The following MYT1L variants were observed in gnomAD, a reference collection of about 807,000 sequenced individuals.
MYT1L encodes the protein myelin transcription factor 1 like.
In MYT1L, 12 loss-of-function variants were observed where a neutral mutation model predicts 126.7. The ratio of observed to expected loss-of-function variants is 0.09; its 90% CI spans 0.06 to 0.15. MYT1L has a LOEUF of 0.15. MYT1L is among the 10% of genes least tolerant of loss of function. The pLI, the probability that MYT1L is intolerant of heterozygous loss-of-function variation, is 1.00. For missense variants in MYT1L, 979 were observed against 1,585.2 expected, an observed-to-expected ratio of 0.62 and a Z score of 6.49; for synonymous variants, 541 against 604.2, an observed-to-expected ratio of 0.90 and a Z score of 1.53.
At chr2:2,248,592 A>G (rs1403079203) in intron 2 of MYT1L, among the ~76,000 whole-genome samples, 1 of 152,148 alleles carries the variant, frequency 6.6e-6, no homozygotes, top group Non-Finnish European at 1.5e-5. Context: ...ACAGGCCAAT[A>G]TGTCTGATAA....
intron 2 of MYT1L, among the ~76,000 whole-genome samples, chr2:2,283,206 G>C (rs1038855457): frequency 2.0e-5 from 3 of 152,220 alleles, no homozygotes; most frequent in Non-Finnish European, 4.4e-5. Flanking sequence ...AAAGAAATCA[G>C]TCTTGAAGAA....
intron 2 of MYT1L, among the ~76,000 whole-genome samples, chr2:2,206,452 C>T (rs2093326467): frequency 6.6e-6 from 1 of 152,146 alleles, no homozygotes; most frequent in Admixed American, 6.5e-5. Context: ...ACTTTGTCCA[C>T]ACTTCTATAT....
chr2:1,965,777 C>A (rs891770050), intron 8 of MYT1L, among the ~76,000 whole-genome samples: 1 of 152,196 alleles, frequency 6.6e-6, no homozygotes, highest in Non-Finnish European at 1.5e-5. Flanking sequence ...TCAGGAGAGC[C>A]GGACAGGGGG....
rs373350880 is a variant in MYT1L, at chr2:2,317,594, TTAAA to T, written c.-521+13369_-521+13372del. 8.7e-4 allele frequency among the ~76,000 whole-genome samples: 132 copies of T among 151,872 alleles called. 1 individual carries two copies. The South Asian group carries it at 0.027, about 31-fold the overall frequency. The stretch of plus-strand genomic sequence containing the variant: ...TGTGTGGAAAATCTCACTTAGAAAA[TTAAA>T]AAAGACAAAAAATAAAAATAAAAAA... On this transcript the variant is annotated intron_variant, in intron 1 of 24. Transcript: ENST00000647738.
chr2:2,302,509 A>G (rs561470807), intron 1 of MYT1L, among the ~76,000 whole-genome samples: 1 of 152,316 alleles, frequency 6.6e-6, no homozygotes, highest in East Asian at 1.9e-4. Flanking sequence ...ATCTCAAGAA[A>G]AACTTGACTG....
chr2:2,071,483 C>A (rs923536865), intron 3 of MYT1L, among the ~76,000 whole-genome samples: 1 of 152,104 alleles, frequency 6.6e-6, no homozygotes, highest in Non-Finnish European at 1.5e-5. Context: ...CCATACAATA[C>A]GATAAATGTC....
intron 4 of MYT1L, among the ~76,000 whole-genome samples, chr2:2,010,361 A>G (rs1897477): frequency 0.097 from 14,682 of 152,128 alleles, 820 homozygotes; most frequent in Non-Finnish European, 0.12. Flanking sequence ...TGCAAGTCTG[A>G]AGGCTGACTG....
At chr2:1,829,136 C>T (rs1441175871) in intron 21 of MYT1L, among the ~76,000 whole-genome samples, 1 of 152,104 alleles carries the variant, frequency 6.6e-6, no homozygotes, top group African/African-American at 2.4e-5. Flanking sequence ...ATGAAGATGG[C>T]GTTGGGCCTC....
chr2:2,056,631 A>T (rs559718302), intron 3 of MYT1L, among the ~76,000 whole-genome samples: 17 of 152,346 alleles, frequency 1.1e-4, no homozygotes, highest in African/African-American at 4.1e-4. Context: ...CAGGTGCGGT[A>T]GGAAGGAATA....
intron 18 of MYT1L, among the ~76,000 whole-genome samples, chr2:1,863,744 G>GC (rs946324391): frequency 1.1e-4 from 16 of 150,650 alleles, no homozygotes; most frequent in African/African-American, 3.9e-4. Flanking sequence ...ACAAAAAAGG[G>GC]GGGGGCATTT....
At chr2:1,937,999 T>C (rs1446293279) in intron 9 of MYT1L, among the ~76,000 whole-genome samples, 1 of 152,174 alleles carries the variant, frequency 6.6e-6, no homozygotes, top group East Asian at 1.9e-4. Context: ...TGAGATTCAG[T>C]AAAGAGTAAT....
intron 8 of MYT1L, among the ~76,000 whole-genome samples, chr2:1,977,535 T>A (rs1487407691): frequency 2.6e-5 from 4 of 152,214 alleles, no homozygotes; most frequent in African/African-American, 9.6e-5. Flanking sequence ...AAGAGGATAT[T>A]TAGATTGTTT....
At chr2:1,868,190 T>G (rs2045842182) in intron 18 of MYT1L, among the ~76,000 whole-genome samples, 1 of 152,208 alleles carries the variant, frequency 6.6e-6, no homozygotes, top group Admixed American at 6.5e-5. Flanking sequence ...TTTGAACTCC[T>G]GACCTCAGGT....
intron 1 of MYT1L, among the ~76,000 whole-genome samples, chr2:2,316,370 G>A (rs932257222): frequency 2.0e-5 from 3 of 152,242 alleles, no homozygotes; most frequent in African/African-American, 7.2e-5. Context: ...GAGACCAGAA[G>A]TAGGACATGG....
At chr2:2,161,979 G>C (rs979638531) in intron 3 of MYT1L, among the ~76,000 whole-genome samples, 2 of 152,096 alleles carry the variant, frequency 1.3e-5, no homozygotes, top group Admixed American at 1.3e-4. Context: ...TGGTAGTTTC[G>C]GAAGCAGGCA....
chr2:2,190,676 T>G (rs1387267717), intron 2 of MYT1L, among the ~76,000 whole-genome samples: 3 of 151,210 alleles, frequency 2.0e-5, no homozygotes, highest in Non-Finnish European at 4.4e-5. Flanking sequence ...ATCTCATAAA[T>G]AAGTGAATGG....
intron 2 of MYT1L, among the ~76,000 whole-genome samples, chr2:2,279,716 G>A (rs537639358): frequency 3.8e-4 from 58 of 152,254 alleles, no homozygotes; most frequent in African/African-American, 1.3e-3. Context: ...AGGTAGTTTC[G>A]GGTTGAGCGA....
At chr2:2,102,647 A>C (rs2078241166) in intron 3 of MYT1L, among the ~76,000 whole-genome samples, 1 of 142,228 alleles carries the variant, frequency 7.0e-6, no homozygotes, top group African/African-American at 2.7e-5. Flanking sequence ...TGTGTGTATA[A>C]AGTTAACTAG....
intron 3 of MYT1L, among the ~76,000 whole-genome samples, chr2:2,071,015 T>C (rs1334751939): frequency 6.6e-6 from 1 of 152,134 alleles, no homozygotes; most frequent in African/African-American, 2.4e-5. Context: ...GTGTTAATAA[T>C]AGTGGGGAAA....
Sources: gnomAD v4.1 joint callset for allele counts (sites outside exome capture counted in the v4.1 genomes callset) on GRCh38, gnomAD v4.1.1 for gene constraint, MANE v1.5 for transcripts, NCBI Gene and HGNC (gene_info 2026-07-23, HGNC 2026-07-21) for gene names.